BRWD1: variants seen among roughly 807,000 people sequenced by gnomAD.
The protein encoded by BRWD1 is bromodomain and WD repeat domain containing 1.
BRWD1 carries 82 observed loss-of-function variants against 251.2 expected under a neutral mutation model. The observed-to-expected ratio is 0.33, with a 90% CI of 0.27 to 0.39. BRWD1 has a LOEUF of 0.39. Among genes scored for constraint, BRWD1 ranks in the 10% least tolerant of loss-of-function variants. The probability of loss-of-function intolerance (pLI) is 1.00; values close to 1 mark genes in which losing one functional copy is unlikely to be tolerated. For synonymous variants in BRWD1, 918 were observed against 902.8 expected, an observed-to-expected ratio of 1.02 and a Z score of -0.30; for missense variants, 2,233 against 2,711.6, an observed-to-expected ratio of 0.82 and a Z score of 3.92.
intron 20 of BRWD1, 60 bp downstream of exon 20, chr21:39,250,736 A>G: frequency 9.2e-7 from 1 of 1,090,148 alleles, no homozygotes; most frequent in Non-Finnish European, 1.3e-6. Context: ...ATAAATCAAA[A>G]AGAAAACTCT....
At chr21:39,198,034 A>G (rs1316074362) in intron 40 of BRWD1, among the ~76,000 whole-genome samples, 1 of 152,174 alleles carries the variant, frequency 6.6e-6, no homozygotes, top group Non-Finnish European at 1.5e-5. Context: ...TGTTTACCAT[A>G]GCACTAGCAT....
At chr21:39,248,866 T>C (rs2034298418) in intron 20 of BRWD1, among the ~76,000 whole-genome samples, 1 of 152,088 alleles carries the variant, frequency 6.6e-6, no homozygotes, top group Non-Finnish European at 1.5e-5. Context: ...ACTGGGTATA[T>C]ACCCAAAGGA....
chr21:39,273,317 A>G (rs2035176640), intron 13 of BRWD1, among the ~76,000 whole-genome samples: 1 of 152,180 alleles, frequency 6.6e-6, no homozygotes, highest in South Asian at 2.1e-4. Flanking sequence ...TTTATATATA[A>G]TAAAGATTTT....
At chr21:39,247,884 TATC>T in intron 20 of BRWD1, 52 bp from the exon 21 acceptor site, 1 of 1,487,560 alleles carries the variant, frequency 6.7e-7, no homozygotes, top group Non-Finnish European at 9.0e-7. Flanking sequence ...ATAAGGACAA[TATC>T]AACAAAATGG....
At chr21:39,264,375 C>T (rs1326866942) in intron 17 of BRWD1, 85 bp downstream of exon 17, 2 of 823,882 alleles carry the variant, frequency 2.4e-6, no homozygotes, top group Non-Finnish European at 1.8e-6. Context: ...AATTGGGGAT[C>T]TAAAGGTAAG....
intron 22 of BRWD1, among the ~76,000 whole-genome samples, 194 bp downstream of exon 22, chr21:39,238,285 C>CAAAAAAA (rs58179212): frequency 1.6e-5 from 2 of 122,366 alleles, no homozygotes; most frequent in Admixed American, 8.3e-5. Context: ...TGCTTAAAGT[C>CAAAAAAA]AAAAAAAAAA....
chr21:39,314,184 C>G (rs948108740), upstream of BRWD1: 1 of 455,880 alleles, frequency 2.2e-6, no homozygotes, highest in African/African-American at 2.0e-5. Context: ...TGGCTCGCCG[C>G]GCCTCCCGCA....
intron 10 of BRWD1, 113 bp downstream of exon 10, chr21:39,278,629 TA>T: frequency 1.4e-6 from 1 of 693,582 alleles, no homozygotes; most frequent in Non-Finnish European, 2.3e-6. Context: ...CCTAATGAAA[TA>T]AACACCAGAA....
rs929216413 is a variant in BRWD1 at position 39,187,591 on chromosome 21, A to G, written c.*8668T>C. On this transcript the variant is annotated 3_prime_UTR_variant, in exon 41 of 41. Coordinates refer to ENST00000342449, the MANE Select transcript of BRWD1 (RefSeq NM_033656.4). ...GGCTTCTTCACATTGATATAACCTT[A>G]CATTTGCTTATCTACAACTATAAGG... The G allele has an allele frequency of 1.0e-6, 1 of 985,086 alleles. No individual in the cohort carries two copies. Among genetic ancestry groups the G allele is most frequent in the African/African-American group, 1.7e-5 (1 of 57,220 alleles). The allele number at this position is 985,086 out of a possible 1,614,324, so 61.0% of individuals were successfully genotyped here.
At chr21:39,229,486 A>G (rs1289063834) in intron 25 of BRWD1, 50 bp from the exon 26 acceptor site, 13 of 1,508,094 alleles carry the variant, frequency 8.6e-6, no homozygotes, top group Non-Finnish European at 1.2e-5. Context: ...ATTCCTTAAT[A>G]CTATAATTCT....
chr21:39,192,894 A>G lies in BRWD1; in HGVS notation c.*3365T>C. 3.1e-6 allele frequency: 3 copies of G among 981,884 alleles called. No individual in the cohort carries two copies. Among genetic ancestry groups the G allele is most frequent in the Non-Finnish European group, 3.6e-6 (3 of 828,016 alleles). 60.8% of individuals were successfully genotyped at this position (981,884 alleles called of 1,614,324 possible). ...AAATTCTTCCTATTTTTAATATCAA[A>G]CAGGGAGGTTAGTAAATTGTTTTCT... On this transcript the variant is annotated 3_prime_UTR_variant, in exon 41 of 41. Coordinates refer to ENST00000342449, the MANE Select transcript of BRWD1 (RefSeq NM_033656.4).
intron 37 of BRWD1, 81 bp from the exon 38 acceptor site, chr21:39,202,626 G>T (rs2150411): frequency 0.47 from 414,147 of 884,046 alleles, 98,907 homozygotes; most frequent in African/African-American, 0.58. Context: ...CTAAATAGAA[G>T]TATATCATAT....
In BRWD1 at chr21:39,295,843, C is replaced by T; in HGVS notation, c.509G>A (p.Gly170Glu). 6.2e-7 allele frequency: 1 copy of T among 1,609,656 alleles called. No homozygotes were observed. The highest frequency in any genetic ancestry group is 1.7e-5 in the Admixed American group (1 of 59,798). Residue 170 changes from glycine to glutamate, a missense_variant, in exon 7 of 41, where the codon GGA becomes GAA. This residue lies in a region of BRWD1 where 185 missense variants were observed against 260.6 expected (regional missense o/e 0.71). Coordinates refer to ENST00000342449, the MANE Select transcript of BRWD1 (RefSeq NM_033656.4). ...CATTTTTATATGCTGATACATAGTTCCTGGAAATGCTGTACTAAAAGTGGA... is the reference window on the plus strand; with the variant it reads ...CATTTTTATATGCTGATACATAGTTTCTGGAAATGCTGTACTAAAAGTGGA... ...GCSTFSTAFP[G>E]TMYQHIKMHR...
At chr21:39,261,672 T>C (rs1008508694) in intron 17 of BRWD1, among the ~76,000 whole-genome samples, 1 of 152,042 alleles carries the variant, frequency 6.6e-6, no homozygotes, top group Non-Finnish European at 1.5e-5. Flanking sequence ...TGACAATTTC[T>C]GCCCTAAAGC....
At chr21:39,295,451 TG>T (rs2035937352) in intron 7 of BRWD1, among the ~76,000 whole-genome samples, 1 of 152,114 alleles carries the variant, frequency 6.6e-6, no homozygotes, top group Non-Finnish European at 1.5e-5. Flanking sequence ...CCGCCCAAAG[TG>T]CTGGGATTAC....
chr21:39,306,857 T>C (rs891568031), intron 4 of BRWD1, among the ~76,000 whole-genome samples: 6 of 152,180 alleles, frequency 3.9e-5, no homozygotes, highest in Non-Finnish European at 8.8e-5. Flanking sequence ...ATTGAAAATT[T>C]GTTTATTTAT....
chr21:39,264,527 T>A lies in BRWD1; in HGVS notation c.1818A>T (p.Arg606Ser). 2 of 1,613,478 alleles carry A rather than the reference T, an allele frequency of 1.2e-6. No individual in the cohort carries two copies. The highest frequency in any genetic ancestry group is 1.1e-5 in the South Asian group (1 of 90,986). Residue 606 changes from arginine (R) to serine (S), a missense_variant, in exon 17 of 41, where the codon AGA becomes AGT. Physicochemically the swap from Arg to Ser is moderately radical, Grantham distance 110. Coordinates refer to ENST00000342449, the MANE Select transcript of BRWD1 (RefSeq NM_033656.4). The stretch of plus-strand genomic sequence containing the variant: ...CAGAATTTTCTCGGCCTGGTACTAA[T>A]CTCTGATACTTGGTTGGATGAGGAT... ...DGNPHPTKYQRLVPGRENSAD... is the reference protein window; with the variant it reads ...DGNPHPTKYQSLVPGRENSAD...
chr21:39,277,832 T>C (rs1183687284), intron 10 of BRWD1, among the ~76,000 whole-genome samples: 3 of 152,016 alleles, frequency 2.0e-5, no homozygotes, highest in African/African-American at 7.2e-5. Context: ...TCCTAAAGTG[T>C]TGGGATTACA....
intron 26 of BRWD1, among the ~76,000 whole-genome samples, chr21:39,228,972 AT>A (rs1322391580): frequency 6.6e-6 from 1 of 152,234 alleles, no homozygotes; most frequent in Non-Finnish European, 1.5e-5. Context: ...TGGTAACCTT[AT>A]TAGACAGCAC....
Sources: gnomAD v4.1 joint callset for allele counts (sites outside exome capture counted in the v4.1 genomes callset) on GRCh38, gnomAD v4.1.1 for gene constraint, gnomAD v4.1.1 regional missense constraint, MANE v1.5 for transcripts, NCBI Gene and HGNC (gene_info 2026-07-23, HGNC 2026-07-21) for gene names.